Variants in FBN1 observed in about 807,000 individuals in gnomAD.
FBN1 encodes fibrillin 1.
FBN1 carries 29 observed loss-of-function variants against 365.1 expected under a neutral mutation model. The ratio of observed to expected loss-of-function variants is 0.08; its 90% CI spans 0.06 to 0.11. The LOEUF (loss-of-function observed/expected upper bound fraction) is 0.11. Ranked by LOEUF, FBN1 falls within the 10% of genes least tolerant of loss-of-function variation. FBN1 has a pLI of 1.00. For missense variants in FBN1, 2,476 were observed against 3,703.2 expected, an observed-to-expected ratio of 0.67 and a Z score of 8.60; for synonymous variants, 1,210 against 1,270.5, an observed-to-expected ratio of 0.95 and a Z score of 1.01.
chr15:48,574,254 A>G (rs2044328080), intron 6 of FBN1, among the ~76,000 whole-genome samples: 1 of 152,230 alleles, frequency 6.6e-6, no homozygotes, highest in Non-Finnish European at 1.5e-5. Flanking sequence ...TCCTGGAAGT[A>G]CAAACAATGT....
At chr15:48,462,236 C>T (rs2043284680) in intron 42 of FBN1, among the ~76,000 whole-genome samples, 1 of 152,084 alleles carries the variant, frequency 6.6e-6, no homozygotes, top group African/African-American at 2.4e-5. Context: ...TCAACTAACC[C>T]AAATCATAAT....
intron 6 of FBN1, among the ~76,000 whole-genome samples, chr15:48,558,132 T>C (rs1287365348): frequency 6.6e-6 from 1 of 152,216 alleles, no homozygotes; most frequent in Non-Finnish European, 1.5e-5. Flanking sequence ...GGTCTCCTTG[T>C]TCCATATAAA....
chr15:48,465,035 C>CA (rs758312341), intron 40 of FBN1, among the ~76,000 whole-genome samples: 52 of 152,322 alleles, frequency 3.4e-4, no homozygotes, highest in Non-Finnish European at 6.8e-4. Flanking sequence ...AACCATGGCT[C>CA]ATGGCTGAAG....
intron 6 of FBN1, among the ~76,000 whole-genome samples, chr15:48,556,935 T>C (rs1056519775): frequency 6.6e-6 from 1 of 152,202 alleles, no homozygotes; most frequent in Non-Finnish European, 1.5e-5. Flanking sequence ...AGAAAAAGCT[T>C]CTTAAAGTAA....
intron 48 of FBN1, among the ~76,000 whole-genome samples, chr15:48,445,124 A>G (rs1437822456): frequency 7.3e-6 from 1 of 137,376 alleles, no homozygotes; most frequent in East Asian, 2.3e-4. Flanking sequence ...ATATATACAC[A>G]TATATATATA....
rs1282528043 is a variant in FBN1 at position 48,495,070 on chromosome 15, TTATG to T, written c.2677+49_2677+52del. 1.9e-6 allele frequency: 3 copies of T among 1,611,304 alleles called. No homozygotes were observed. In the Admixed American group the frequency reaches 5.0e-5, roughly 27 times the overall value. On this transcript the variant is annotated intron_variant, in intron 22 of 65. Coordinates refer to ENST00000316623, the MANE Select transcript of FBN1 (RefSeq NM_000138.5). ...AAATGAAATACTAGGCTTCCCCTTTTTATGCAAAGACCATTGGAGTGGTATAGGA... is the reference window on the plus strand; with the variant it reads ...AAATGAAATACTAGGCTTCCCCTTTTCAAAGACCATTGGAGTGGTATAGGA...
chr15:48,571,579 A>G (rs987676870), intron 6 of FBN1, among the ~76,000 whole-genome samples: 3 of 152,208 alleles, frequency 2.0e-5, no homozygotes, highest in African/African-American at 4.8e-5. Context: ...ACCTATTTCA[A>G]TAAAGAGTAA....
intron 25 of FBN1, 61 bp from the exon 26 acceptor site, chr15:48,488,554 A>C: frequency 7.0e-6 from 11 of 1,579,446 alleles, no homozygotes; most frequent in South Asian, 1.1e-5. Flanking sequence ...AGGAGGTCTC[A>C]ATGCCCACCA....
In FBN1 at chr15:48,466,950, G is replaced by A. The variant is rs61106820; in HGVS notation, c.4747+988C>T. ...CAGAACTGACCTCCCTTTCTGAAGA[G>A]AAGAGAGAAGGAGGAGCCAGCTGAG... On this transcript the variant is annotated intron_variant, in intron 38 of 65. Coordinates refer to ENST00000316623, the MANE Select transcript of FBN1 (RefSeq NM_000138.5). Among the ~76,000 whole-genome samples the A allele has an allele frequency of 0.016, 2,473 of 152,132 alleles. 201 individuals carry two copies. In the East Asian group the frequency reaches 0.24, roughly 15 times the overall value.
chr15:48,520,094 C>T (rs2043838290), intron 10 of FBN1, among the ~76,000 whole-genome samples: 1 of 152,108 alleles, frequency 6.6e-6, no homozygotes, highest in African/African-American at 2.4e-5. Context: ...AACTGAACTT[C>T]ACTGACTCAT....
intron 4 of FBN1, among the ~76,000 whole-genome samples, chr15:48,606,137 G>C (rs1458758472): frequency 1.3e-5 from 2 of 152,044 alleles, no homozygotes; most frequent in African/African-American, 2.4e-5. Context: ...AATGCAAAAT[G>C]GTACATACGG....
intron 6 of FBN1, among the ~76,000 whole-genome samples, chr15:48,559,075 A>C (rs1199670001): frequency 6.6e-6 from 1 of 152,222 alleles, no homozygotes; most frequent in East Asian, 1.9e-4. Context: ...GTTTTGGTCA[A>C]TGCAAAGAGC....
At chr15:48,481,584 T>C (rs2043465330) in intron 32 of FBN1, 71 bp downstream of exon 32, 4 of 1,474,866 alleles carry the variant, frequency 2.7e-6, no homozygotes, top group East Asian at 4.6e-5. Context: ...TTAAAACATG[T>C]ATCAATCTAT....
In FBN1 at chr15:48,441,460, CT is replaced by C. The variant is rs199530067; in HGVS notation, c.6163+260del. ...TCAAGGTGTTTCCCCACTGATGGGC[CT>C]ATCAGCATTTGTGTTCTTAGTGGGA... On this transcript the variant is annotated intron_variant, in intron 50 of 65. Transcript: ENST00000316623. Among the ~76,000 whole-genome samples, 1,189 of 152,182 alleles carry C rather than the reference CT, an allele frequency of 7.8e-3. 11 individuals carry two copies. The highest frequency in any genetic ancestry group is 0.027 in the African/African-American group (1,128 of 41,504).
In FBN1 at chr15:48,421,902, C is replaced by T. The variant is rs540632068; in HGVS notation, c.7570+50G>A. 24 of 1,433,164 alleles carry T rather than the reference C, an allele frequency of 1.7e-5. No individual in the cohort carries two copies. In the East Asian group the frequency reaches 3.9e-4, roughly 23 times the overall value. 88.8% of individuals were successfully genotyped at this position (1,433,164 alleles called of 1,614,324 possible). On this transcript the variant is annotated intron_variant, in intron 61 of 65. Coordinates refer to ENST00000316623, the MANE Select transcript of FBN1 (RefSeq NM_000138.5). ...CAGCAGAGGAAATAGAAAATAATCCCTTAAAAGAATCGCTACAATCCATGT... is the reference window on the plus strand; with the variant it reads ...CAGCAGAGGAAATAGAAAATAATCCTTTAAAAGAATCGCTACAATCCATGT...
At chr15:48,455,009 T>C (rs1302171541) in intron 44 of FBN1, among the ~76,000 whole-genome samples, 1 of 152,240 alleles carries the variant, frequency 6.6e-6, no homozygotes, top group Non-Finnish European at 1.5e-5. Context: ...TCTGATAATG[T>C]GGCTACTTGG....
intron 38 of FBN1, among the ~76,000 whole-genome samples, chr15:48,466,967 C>T (rs904461196): frequency 1.3e-5 from 2 of 152,026 alleles, no homozygotes; most frequent in Non-Finnish European, 2.9e-5. Flanking sequence ...GAAGGAGGAG[C>T]CAGCTGAGCA....
chr15:48,415,810 G>T (rs998176122), intron 63 of FBN1, 43 bp from the exon 64 acceptor site: 1 of 1,521,958 alleles, frequency 6.6e-7, no homozygotes, highest in Non-Finnish European at 9.1e-7. Flanking sequence ...AGCAGCCAGA[G>T]ATTTCTATTG....
chr15:48,411,866 C>T (rs1201481692), intron 65 of FBN1, among the ~76,000 whole-genome samples: 1 of 152,250 alleles, frequency 6.6e-6, no homozygotes, highest in Admixed American at 6.5e-5. Flanking sequence ...GGTTGCAGCA[C>T]CAATACGAAG....
Sources: allele counts gnomAD v4.1 joint callset (sites outside exome capture counted in the v4.1 genomes callset), GRCh38; gene constraint gnomAD v4.1.1; transcripts MANE v1.5; gene names NCBI Gene and HGNC (gene_info 2026-07-23, HGNC 2026-07-21).